The following PIK3AP1 variants were observed in gnomAD, a reference collection of about 807,000 sequenced individuals.
The protein encoded by PIK3AP1 is phosphoinositide-3-kinase adaptor protein 1, also known as phosphoinositide 3-kinase adapter protein 1.
A neutral mutation model predicts 88.1 loss-of-function variants in PIK3AP1; 21 were observed. That is an observed-to-expected ratio of 0.24 (90% CI 0.17 to 0.34). PIK3AP1 has a LOEUF of 0.34. Ranked by LOEUF, PIK3AP1 falls within the 10% of genes least tolerant of loss-of-function variation. PIK3AP1 has a pLI of 1.00. For synonymous variants in PIK3AP1, 398 were observed against 400.0 expected (o/e 1.00, Z 0.06); for missense variants, 828 against 1,035.7 (o/e 0.80, Z 2.75).
intron 12 of PIK3AP1, among the ~76,000 whole-genome samples, chr10:96,617,416 G>A (rs1843009099): frequency 6.6e-6 from 1 of 152,232 alleles, no homozygotes; most frequent in Admixed American, 6.5e-5. Context: ...GAAGGTTCAT[G>A]TTGGGGAGTC....
chr10:96,650,674 G>C (rs1843525247), intron 6 of PIK3AP1, among the ~76,000 whole-genome samples: 1 of 152,206 alleles, frequency 6.6e-6, no homozygotes, highest in Non-Finnish European at 1.5e-5. Flanking sequence ...GTCTTCTAGG[G>C]AAGTGCTACC....
chr10:96,641,076 G>C (rs940346592), intron 8 of PIK3AP1, among the ~76,000 whole-genome samples: 1 of 146,212 alleles, frequency 6.8e-6, no homozygotes, highest in Non-Finnish European at 1.5e-5. Context: ...CTAAAGACTT[G>C]TGAGTGTGCC....
intron 2 of PIK3AP1, among the ~76,000 whole-genome samples, chr10:96,676,378 C>T (rs1326494180): frequency 1.3e-5 from 2 of 151,154 alleles, no homozygotes; most frequent in African/African-American, 4.9e-5. Flanking sequence ...GCCGGTGGCC[C>T]CTACATCTTA....
Position 96,645,591 on chromosome 10 carries a change from G to C in PIK3AP1, c.1257C>G (p.Tyr419Ter). Residue 419 changes from tyrosine (Y) to a stop codon, truncating the protein, a stop_gained, in exon 8 of 17, where the codon TAC (tyrosine) becomes TAG (stop). Coordinates refer to ENST00000339364, the MANE Select transcript of PIK3AP1 (RefSeq NM_152309.3). LOFTEE classifies it high-confidence loss of function. Reference protein sequence around the residue: ...LMHGEEADAVYESMAHLSTDL... With the variant: ...LMHGEEADAV The stretch of plus-strand genomic sequence containing the variant: ...CTGTGGAAAGGTGGGCCATGGACTC[G>C]TACACAGCATCAGCCTCCTCCCCGT... 1 of 1,613,666 alleles carries C rather than the reference G, an allele frequency of 6.2e-7. No individual in the cohort carries two copies. The highest frequency in any genetic ancestry group is 8.5e-7 in the Non-Finnish European group (1 of 1,179,806).
intron 2 of PIK3AP1, among the ~76,000 whole-genome samples, chr10:96,657,291 G>A (rs2134239741): frequency 6.6e-6 from 1 of 152,278 alleles, no homozygotes; most frequent in Non-Finnish European, 1.5e-5. Flanking sequence ...TTTCCCCTTA[G>A]GTGGGTTCAA....
chr10:96,666,821 T>C (rs752082345), intron 2 of PIK3AP1, among the ~76,000 whole-genome samples: 57 of 151,820 alleles, frequency 3.8e-4, no homozygotes, highest in Non-Finnish European at 6.5e-4. Flanking sequence ...AGGAATGAAA[T>C]TACCCAGCCA....
At chr10:96,631,536 AC>A (rs1406960343) in intron 8 of PIK3AP1, among the ~76,000 whole-genome samples, 1 of 152,218 alleles carries the variant, frequency 6.6e-6, no homozygotes, top group African/African-American at 2.4e-5. Context: ...CACTTTGGGT[AC>A]TATAACCCCT....
intron 9 of PIK3AP1, 140 bp from the exon 10 acceptor site, chr10:96,627,045 G>T (rs1299982549): frequency 4.0e-6 from 3 of 755,024 alleles, no homozygotes; most frequent in Admixed American, 4.2e-5. Context: ...ATCACTTCCT[G>T]TATCGTCTGC....
At chr10:96,628,300 A>C in intron 9 of PIK3AP1, 98 bp downstream of exon 9, 1 of 1,049,372 alleles carries the variant, frequency 9.5e-7, no homozygotes, top group South Asian at 1.3e-5. Flanking sequence ...GCAGCAGCCC[A>C]TTCCTTGAGG....
chr10:96,641,269 T>G (rs1371960633), intron 8 of PIK3AP1, among the ~76,000 whole-genome samples: 1 of 152,122 alleles, frequency 6.6e-6, no homozygotes, highest in Non-Finnish European at 1.5e-5. Context: ...AGCTTCCAAC[T>G]CAGGTGGTTG....
At chr10:96,673,650 G>A (rs1843877907) in intron 2 of PIK3AP1, among the ~76,000 whole-genome samples, 1 of 152,136 alleles carries the variant, frequency 6.6e-6, no homozygotes, top group Admixed American at 6.6e-5. Context: ...TTGGTTTCCT[G>A]GTTCAGGAAT....
rs573246156 is a variant in PIK3AP1, at chr10:96,704,129, C to T, written c.430+5438G>A. Among the ~76,000 whole-genome samples, 6 of 152,260 alleles carry T rather than the reference C, an allele frequency of 3.9e-5. No individual in the cohort carries two copies. In the South Asian group the frequency reaches 6.2e-4, roughly 16 times the overall value. On this transcript the variant is annotated intron_variant, in intron 2 of 16. Coordinates refer to ENST00000339364, the MANE Select transcript of PIK3AP1 (RefSeq NM_152309.3). ...AAAGATTAAAAACTGCCAGAGTGAACGCACCGAATCTATGAGCAGGGGCAA... is the reference window on the plus strand; with the variant it reads ...AAAGATTAAAAACTGCCAGAGTGAATGCACCGAATCTATGAGCAGGGGCAA...
At chr10:96,614,303 C>T (rs527583465) in intron 13 of PIK3AP1, among the ~76,000 whole-genome samples, 23 of 152,110 alleles carry the variant, frequency 1.5e-4, no homozygotes, top group Admixed American at 7.2e-4. Context: ...TATCTTTGGG[C>T]GCATGGACTC....
At chr10:96,615,989 G>C (rs1019253369) in intron 13 of PIK3AP1, among the ~76,000 whole-genome samples, 1 of 152,158 alleles carries the variant, frequency 6.6e-6, no homozygotes. Flanking sequence ...GGCTGGCCTC[G>C]GTTAATCACA....
intron 1 of PIK3AP1, among the ~76,000 whole-genome samples, chr10:96,715,731 A>G (rs755624638): frequency 6.6e-6 from 1 of 151,596 alleles, no homozygotes; most frequent in Non-Finnish European, 1.5e-5. Flanking sequence ...TCTACTAAAA[A>G]TACAAAAAAT....
intron 11 of PIK3AP1, chr10:96,620,877 C>T (rs1429945725): frequency 7.6e-6 from 2 of 263,494 alleles, no homozygotes; most frequent in Non-Finnish European, 7.5e-6. Flanking sequence ...GAAAACCGTA[C>T]GTTGTAGCCA....
At chr10:96,710,201 C>A (rs1318307520) in intron 1 of PIK3AP1, among the ~76,000 whole-genome samples, 2 of 148,890 alleles carry the variant, frequency 1.3e-5, no homozygotes, top group Non-Finnish European at 3.0e-5. Flanking sequence ...CCCAAACATA[C>A]CACGCTGTTT....
chr10:96,638,435 C>T (rs975127290), intron 8 of PIK3AP1, among the ~76,000 whole-genome samples: 2 of 145,884 alleles, frequency 1.4e-5, no homozygotes, highest in South Asian at 2.2e-4. Context: ...CAACAGAAAA[C>T]GGACTAAGAC....
intron 14 of PIK3AP1, among the ~76,000 whole-genome samples, chr10:96,604,777 T>C (rs1272782181): frequency 6.6e-6 from 1 of 152,240 alleles, no homozygotes; most frequent in Non-Finnish European, 1.5e-5. Flanking sequence ...CAAACAGGTA[T>C]GTATCACCCA....
Sources: allele counts gnomAD v4.1 joint callset (sites outside exome capture counted in the v4.1 genomes callset), GRCh38; gene constraint gnomAD v4.1.1; transcripts MANE v1.5; gene names NCBI Gene and HGNC (gene_info 2026-07-23, HGNC 2026-07-21).